Variants in PPARA observed in about 807,000 individuals in gnomAD.
The protein encoded by PPARA is peroxisome proliferator-activated receptor alpha.
Under a neutral mutation model 42.2 loss-of-function variants are expected in PPARA, and 22 were observed. That is an observed-to-expected ratio of 0.52 (90% confidence interval 0.37 to 0.74). PPARA has a LOEUF of 0.74. PPARA is among the 30% of genes least tolerant of loss of function. The probability of loss-of-function intolerance (pLI) is 0.00; values close to 1 mark genes in which losing one functional copy is unlikely to be tolerated. For missense variants in PPARA, 465 were observed against 608.2 expected (o/e 0.76, Z 2.48); for synonymous variants, 242 against 239.3 (o/e 1.01, Z -0.10).
rs1929794942 is a variant in PPARA, at chr22:46,180,479, G to A, written c.-43+3643G>A. ...ATCTTATCTAGCCTCCATGTATTTT[G>A]TAAGTTCTGTAAATTCCTGTTTTCC... On this transcript the variant is annotated intron_variant, in intron 3 of 8. Coordinates refer to ENST00000407236, the MANE Select transcript of PPARA (RefSeq NM_005036.6). This position sits in a 1 kb window ranked among gnomAD's most constrained non-coding sequence, Gnocchi z 4.2. 1.3e-5 allele frequency among the ~76,000 whole-genome samples: 2 copies of A among 152,124 alleles called. No individual in the cohort carries two copies. The highest frequency in any genetic ancestry group is 1.3e-4 in the Admixed American group (2 of 15,272).
rs1425695408 is a variant in PPARA, at chr22:46,204,000, TC to T, written c.208+5413del. ...ACTTGTGCTGTTTCTAATTCCTCTT[TC>T]CCCAGCCCCGTGCCTCCCTGCCTCC... On this transcript the variant is annotated intron_variant, in intron 4 of 8. Coordinates refer to ENST00000407236, the MANE Select transcript of PPARA (RefSeq NM_005036.6). This position sits in a 1 kb window ranked among gnomAD's most constrained non-coding sequence, Gnocchi z 5.8. Among the ~76,000 whole-genome samples, 7 of 152,156 alleles carry T rather than the reference TC, an allele frequency of 4.6e-5. No individual in the cohort carries two copies. The highest frequency in any genetic ancestry group is 7.4e-5 in the Non-Finnish European group (5 of 68,016).
chr22:46,203,413 T>C lies in PPARA; in HGVS notation c.208+4822T>C, dbSNP rs1277273830. 6.6e-6 allele frequency among the ~76,000 whole-genome samples: 1 copy of C among 152,188 alleles called. No homozygotes were observed. Among genetic ancestry groups the C allele is most frequent in the African/African-American group, 2.4e-5 (1 of 41,458 alleles). ...TATCTCTGCTTTTTCTTCCCGGCTT[T>C]ATTGCCATAATTGACATACAATAAA... On this transcript the variant is annotated intron_variant, in intron 4 of 8. Coordinates refer to ENST00000407236, the MANE Select transcript of PPARA (RefSeq NM_005036.6). The surrounding 1 kb of genome is among the most constrained non-coding windows in gnomAD (Gnocchi z 5.8).
chr22:46,212,053 T>TTCTCC lies in PPARA; in HGVS notation c.209-3108_209-3104dup, dbSNP rs952245775. Among the ~76,000 whole-genome samples, 2 of 151,224 alleles carry TTCTCC rather than the reference T, an allele frequency of 1.3e-5. No individual in the cohort carries two copies. The highest frequency in any genetic ancestry group is 4.9e-5 in the African/African-American group (2 of 41,066). Reference sequence around the variant, plus strand: ...TTTCTTTCTCTTTCCCTCTCCTCTCTTCTCCTCTCCTCTCCTTTGATGGAG... The same window carrying TTCTCC: ...TTTCTTTCTCTTTCCCTCTCCTCTCTTCTCCTCTCCTCTCCTCTCCTTTGATGGAG... On this transcript the variant is annotated intron_variant, in intron 4 of 8. Coordinates refer to ENST00000407236, the MANE Select transcript of PPARA (RefSeq NM_005036.6). This position sits in a 1 kb window ranked among gnomAD's most constrained non-coding sequence, Gnocchi z 4.2.
chr22:46,158,417 T>C (rs770606564), intron 2 of PPARA, among the ~76,000 whole-genome samples: 2 of 152,208 alleles, frequency 1.3e-5, no homozygotes, highest in Non-Finnish European at 2.9e-5. Context: ...TTTTTGCATT[T>C]GTTTGTAACT....
chr22:46,195,316 A>G lies in PPARA; in HGVS notation c.-42-3026A>G, dbSNP rs1932105879. Among the ~76,000 whole-genome samples, 1 of 152,142 alleles carries G rather than the reference A, an allele frequency of 6.6e-6. No homozygotes were observed. The highest frequency in any genetic ancestry group is 2.4e-5 in the African/African-American group (1 of 41,430). The stretch of plus-strand genomic sequence containing the variant: ...AAATATTTTAAGTAATGCTTACCCC[A>G]TTATGTTTCTTGTCATTTGAAAAAA... On this transcript the variant is annotated intron_variant, in intron 3 of 8. Transcript: ENST00000407236. This position sits in a 1 kb window ranked among gnomAD's most constrained non-coding sequence, Gnocchi z 4.6.
intron 2 of PPARA, among the ~76,000 whole-genome samples, chr22:46,158,125 G>A (rs1226922615): frequency 1.3e-5 from 2 of 151,984 alleles, no homozygotes; most frequent in Admixed American, 6.6e-5. Flanking sequence ...AAGAGTGAGC[G>A]AGGCCAGGCG....
rs1934520594 is a variant in PPARA at position 46,216,651 on chromosome 22, C to T, written c.369+1318C>T. ...GTTCCTTCCTGCACATCAGGGGCTT[C>T]TCCACCTGATTCAAGCGACAGGAAC... On this transcript the variant is annotated intron_variant, in intron 5 of 8. Transcript: ENST00000407236. This position sits in a 1 kb window ranked among gnomAD's most constrained non-coding sequence, Gnocchi z 4.5. Among the ~76,000 whole-genome samples, 1 of 152,206 alleles carries T rather than the reference C, an allele frequency of 6.6e-6. No homozygotes were observed. Among genetic ancestry groups the T allele is most frequent in the South Asian group, 2.1e-4 (1 of 4,836 alleles).
intron 4 of PPARA, among the ~76,000 whole-genome samples, chr22:46,207,674 ATTATTTTTTTTTTTTTTT>A (rs1241632590): frequency 0.03 from 1,824 of 61,698 alleles, 63 homozygotes; most frequent in African/African-American, 0.12. Context: ...TATTATTATT[ATTATTTTTTTTTTTTTTT>A]TTTTTTTTAG....
intron 2 of PPARA, among the ~76,000 whole-genome samples, chr22:46,152,557 A>T (rs1924600754): frequency 6.6e-6 from 1 of 152,232 alleles, no homozygotes. Context: ...GTGAGTGCTT[A>T]CTAGACCCTT....
At position 46,184,926 on chromosome 22, in the gene PPARA, G is replaced by A. The variant is rs4253689; in HGVS notation, c.-43+8090G>A. Among the ~76,000 whole-genome samples, 638 of 152,308 alleles carry A rather than the reference G, an allele frequency of 4.2e-3. 5 individuals carry two copies. The highest frequency in any genetic ancestry group is 0.015 in the African/African-American group (610 of 41,560). ...TTTTCCCTCTCAGAAAGCTCGTAGG[G>A]TCTTCTCTTTGTCTCCAGCATGGTC... On this transcript the variant is annotated intron_variant, in intron 3 of 8. Transcript: ENST00000407236. This position sits in a 1 kb window ranked among gnomAD's most constrained non-coding sequence, Gnocchi z 4.4.
rs1569236910 is a variant in PPARA, at chr22:46,216,327, GA to G, written c.369+995del. 6.6e-6 allele frequency among the ~76,000 whole-genome samples: 1 copy of G among 150,654 alleles called. No individual in the cohort carries two copies. Among genetic ancestry groups the G allele is most frequent in the Non-Finnish European group, 1.5e-5 (1 of 67,868 alleles). ...GAACTCAGGAGGCGGAGGTTGCAGTGAGCTGAGATCGAGCCATTTCACTCCA... is the reference window on the plus strand; with the variant it reads ...GAACTCAGGAGGCGGAGGTTGCAGTGGCTGAGATCGAGCCATTTCACTCCA... On this transcript the variant is annotated intron_variant, in intron 5 of 8. Coordinates refer to ENST00000407236, the MANE Select transcript of PPARA (RefSeq NM_005036.6). This position sits in a 1 kb window ranked among gnomAD's most constrained non-coding sequence, Gnocchi z 4.5.
rs536899848 is a variant in PPARA at position 46,220,666 on chromosome 22, G to A, written c.711+652G>A. ...ATTTAAAAAAAAAAAAACTGACCAG[G>A]CAAGATGGGTCATGCCTGTAATCCT... On this transcript the variant is annotated intron_variant, in intron 7 of 8. Transcript: ENST00000407236. The A allele has an allele frequency of 1.5e-3, 232 of 154,304 alleles. 1 individual carries two copies. Among genetic ancestry groups the A allele is most frequent in the African/African-American group, 5.1e-3 (211 of 41,478 alleles). 9.6% of individuals were successfully genotyped at this position (154,304 alleles called of 1,614,324 possible).
In PPARA at chr22:46,216,988, G is replaced by A. The variant is rs999483123; in HGVS notation, c.370-1275G>A. On this transcript the variant is annotated intron_variant, in intron 5 of 8. Transcript: ENST00000407236. This position sits in a 1 kb window ranked among gnomAD's most constrained non-coding sequence, Gnocchi z 4.5. ...GTTCACTAACTTGGAAAATGCCACC[G>A]CCTTTCTGGCACAATGTACCATCTT... is the stretch of plus-strand genomic sequence containing the variant. 4.6e-5 allele frequency among the ~76,000 whole-genome samples: 7 copies of A among 152,162 alleles called. No individual in the cohort carries two copies. The highest frequency in any genetic ancestry group is 2.1e-4 in the South Asian group (1 of 4,830).
chr22:46,192,571 G>A lies in PPARA; in HGVS notation c.-42-5771G>A, dbSNP rs183351210. ...GAATATTTTGATTGATAAATGTTTA[G>A]TTAGTAAGACCTAAAAACTGAATCT... On this transcript the variant is annotated intron_variant, in intron 3 of 8. Coordinates refer to ENST00000407236, the MANE Select transcript of PPARA (RefSeq NM_005036.6). The surrounding 1 kb of genome is among the most constrained non-coding windows in gnomAD (Gnocchi z 4.3). Among the ~76,000 whole-genome samples, 13 of 152,250 alleles carry A rather than the reference G, an allele frequency of 8.5e-5. No homozygotes were observed. Among genetic ancestry groups the A allele is most frequent in the African/African-American group, 3.1e-4 (13 of 41,556 alleles).
rs1222657564 is a variant in PPARA at position 46,215,288 on chromosome 22, G to C, written c.324G>C (p.Lys108Asn). Residue 108 changes from lysine to asparagine, a missense_variant, in exon 5 of 9, where the codon AAG becomes AAC. Lys to Asn is a moderately conservative substitution (Grantham distance 94). Around this residue, in one of 2 missense-constraint regions of PPARA, gnomAD observed 313 missense variants for 469.1 expected, o/e 0.67. Transcript: ENST00000407236. ...TCGAATGTAGAATCTGCGGGGACAA[G>C]GCCTCAGGCTATCATTACGGAGTCC... ...LNIECRICGD[K>N]ASGYHYGVHA... 1 of 1,614,094 alleles carries C rather than the reference G, an allele frequency of 6.2e-7. No homozygotes were observed. The highest frequency in any genetic ancestry group is 8.5e-7 in the Non-Finnish European group (1 of 1,180,044).
intron 2 of PPARA, among the ~76,000 whole-genome samples, chr22:46,175,670 C>T (rs968649375): frequency 2.9e-4 from 44 of 150,530 alleles, no homozygotes; most frequent in African/African-American, 1.1e-3. Context: ...GCTGAAATCA[C>T]ACCACTGCAC....
Position 46,195,094 on chromosome 22 carries a change from G to A in PPARA, c.-42-3248G>A, listed in dbSNP as rs1034419803. ...ATTTTTGTATTTTTAGTAGAGACGG[G>A]GTTTCACCCTGTTGGCCAGGCTGGT... On this transcript the variant is annotated intron_variant, in intron 3 of 8. Coordinates refer to ENST00000407236, the MANE Select transcript of PPARA (RefSeq NM_005036.6). The surrounding 1 kb of genome is among the most constrained non-coding windows in gnomAD (Gnocchi z 4.6). Among the ~76,000 whole-genome samples the A allele has an allele frequency of 6.7e-6, 1 of 149,100 alleles. No homozygotes were observed. The highest frequency in any genetic ancestry group is 1.5e-5 in the Non-Finnish European group (1 of 67,474).
At chr22:46,206,555 C>T (rs898073221) in intron 4 of PPARA, among the ~76,000 whole-genome samples, 10 of 152,166 alleles carry the variant, frequency 6.6e-5, no homozygotes, top group African/African-American at 2.4e-4. Flanking sequence ...CCAGTGGTAT[C>T]ATTCTATCTT....
rs1934545218 is a variant in PPARA, at chr22:46,216,902, G to A, written c.370-1361G>A. 6.6e-6 allele frequency among the ~76,000 whole-genome samples: 1 copy of A among 152,216 alleles called. No homozygotes were observed. Among genetic ancestry groups the A allele is most frequent in the Non-Finnish European group, 1.5e-5 (1 of 68,044 alleles). On this transcript the variant is annotated intron_variant, in intron 5 of 8. Transcript: ENST00000407236. This position sits in a 1 kb window ranked among gnomAD's most constrained non-coding sequence, Gnocchi z 4.5. The stretch of plus-strand genomic sequence containing the variant: ...CGCCTTATGTACGTGATATGTGGGA[G>A]ATCATCATCTGAATGTTTGGTTTGA...
Sources: gnomAD v4.1 joint callset for allele counts (sites outside exome capture counted in the v4.1 genomes callset) on GRCh38, gnomAD v4.1.1 for gene constraint, gnomAD v4.1.1 regional missense constraint, Gnocchi (gnomAD v3.1) non-coding constraint, MANE v1.5 for transcripts, NCBI Gene and HGNC (gene_info 2026-07-23, HGNC 2026-07-21) for gene names.